The following JADE3 variants were observed in gnomAD, a reference collection of about 807,000 sequenced individuals.
The protein encoded by JADE3 is protein Jade-3.
In JADE3, 2 loss-of-function variants were observed where a neutral mutation model predicts 50.1. The observed-to-expected ratio is 0.04, with a 90% CI of 0.02 to 0.13. The LOEUF (loss-of-function observed/expected upper bound fraction) is 0.13, where lower values mean the gene tolerates loss of function less well. Among genes scored for constraint, JADE3 ranks in the 10% least tolerant of loss-of-function variants. JADE3 has a pLI of 1.00. For missense variants in JADE3, 475 were observed against 634.4 expected (o/e 0.75, Z 2.70); for synonymous variants, 218 against 232.9 (o/e 0.94, Z 0.58).
chrX:47,019,035 A>G (rs1928738052), intron 4 of JADE3, among the ~76,000 whole-genome samples: 1 of 111,926 alleles, frequency 8.9e-6, no homozygotes, highest in Admixed American at 9.4e-5. Context: ...AGTCAGGCAC[A>G]GGGCTCCAAG....
At chrX:47,033,950 C>T (rs1929076111) in intron 7 of JADE3, among the ~76,000 whole-genome samples, 162 bp downstream of exon 7, 1 of 111,420 alleles carries the variant, frequency 9.0e-6, no homozygotes, top group Non-Finnish European at 1.9e-5. Context: ...TTATTGGATG[C>T]ACACTTGCAT....
intron 4 of JADE3, among the ~76,000 whole-genome samples, chrX:47,021,374 T>A (rs1302262662): frequency 8.9e-6 from 1 of 111,872 alleles, no homozygotes; most frequent in Non-Finnish European, 1.9e-5. Context: ...TTGGGTTGTT[T>A]CCAGTTTTTA....
At chrX:47,011,791 T>G (rs782553139) in intron 4 of JADE3, among the ~76,000 whole-genome samples, 4 of 112,242 alleles carry the variant, frequency 3.6e-5, no homozygotes, top group Admixed American at 9.5e-5. Flanking sequence ...CTAATGATGT[T>G]GAACAGCTTT....
At chrX:46,994,363 C>G (rs912315326) in intron 3 of JADE3, among the ~76,000 whole-genome samples, 6 of 112,040 alleles carry the variant, frequency 5.4e-5, no homozygotes, top group Non-Finnish European at 1.1e-4. Flanking sequence ...AGTGAATCCC[C>G]TCTTTGACCA....
chrX:47,009,980 A>C (rs1928521170), intron 4 of JADE3, among the ~76,000 whole-genome samples: 1 of 110,394 alleles, frequency 9.1e-6, no homozygotes, highest in South Asian at 3.8e-4. Flanking sequence ...CATCTCAAAA[A>C]AAAAAAAGAT....
In JADE3 at chrX:47,039,632, C is replaced by T. The variant is rs182468883; in HGVS notation, c.972+567C>T. Among the ~76,000 whole-genome samples the T allele has an allele frequency of 5.6e-3, 623 of 111,251 alleles. 6 individuals carry two copies. Among genetic ancestry groups the T allele is most frequent in the South Asian group, 0.014 (37 of 2,597 alleles). ...GTCTGTGTATACCCACTGTTTAGCT[C>T]CCGTTTGTAAGTGAGAACATGTGGT... is the stretch of plus-strand genomic sequence containing the variant. On this transcript the variant is annotated intron_variant, in intron 8 of 10. Coordinates refer to ENST00000614628, the MANE Select transcript of JADE3 (RefSeq NM_014735.5).
intron 1 of JADE3, among the ~76,000 whole-genome samples, chrX:46,957,238 T>TAGATAGATAGAC: frequency 9.0e-6 from 1 of 111,190 alleles, no homozygotes; most frequent in South Asian, 3.8e-4. Flanking sequence ...GATAGATAGA[T>TAGATAGATAGAC]AGATAGATAG....
chrX:47,039,014 G>C lies in JADE3; in HGVS notation c.921G>C (p.Arg307=), dbSNP rs782493489. The change falls in exon 8 of 11, where the codon CGG becomes CGC. Residue 307 remains arginine, a synonymous_variant. Transcript: ENST00000614628. ...ITKISHIPPS[R]WALVCNLCKL... ...AGATCTCCCACATCCCACCCAGTCGGTGGGCCTTAGTCTGCAACTTGTGCA... is the reference window on the plus strand; with the variant it reads ...AGATCTCCCACATCCCACCCAGTCGCTGGGCCTTAGTCTGCAACTTGTGCA... 1 of 1,199,500 alleles carries C rather than the reference G, an allele frequency of 8.3e-7. No individual in the cohort carries two copies. The highest frequency in any genetic ancestry group is 1.7e-5 in the African/African-American group (1 of 57,415).
At chrX:46,931,820 A>G (rs1722997498) in intron 1 of JADE3, among the ~76,000 whole-genome samples, 1 of 112,101 alleles carries the variant, frequency 8.9e-6, no homozygotes, top group Non-Finnish European at 1.9e-5. Flanking sequence ...GTAACATGTT[A>G]CTATGTGAAA....
chrX:46,938,457 T>G (rs1191722700), intron 1 of JADE3, among the ~76,000 whole-genome samples: 1 of 111,823 alleles, frequency 8.9e-6, no homozygotes, highest in Non-Finnish European at 1.9e-5. Flanking sequence ...ATAGGTCCCT[T>G]TATCCTCCTT....
intron 4 of JADE3, among the ~76,000 whole-genome samples, chrX:47,022,804 G>T (rs1156634289): frequency 9.0e-6 from 1 of 110,808 alleles, no homozygotes; most frequent in Non-Finnish European, 1.9e-5. Context: ...TTGTTGGCAT[G>T]AAAAAAATTT....
rs782728907 is a variant in JADE3, at chrX:47,007,807, TTGTGTGTGTGTGTG to T, written c.284+9566_284+9579del. On this transcript the variant is annotated intron_variant, in intron 4 of 10. Coordinates refer to ENST00000614628, the MANE Select transcript of JADE3 (RefSeq NM_014735.5). Reference sequence around the variant, plus strand: ...TAGGACTTCAGCGTGTCCTTTTATTTTGTGTGTGTGTGTGTGTGTGTGTGTGTGTGTGTGTGTGT... The same window carrying T: ...TAGGACTTCAGCGTGTCCTTTTATTTTGTGTGTGTGTGTGTGTGTGTGTGT... 1.8e-4 allele frequency among the ~76,000 whole-genome samples: 13 copies of T among 70,805 alleles called. No individual in the cohort carries two copies. In the South Asian group the frequency reaches 3.1e-3, roughly 17 times the overall value. The allele number at this position is 70,805 out of a possible 115,157, so 61.5% of individuals were successfully genotyped here. A position where few individuals can be genotyped will look rare whatever the true frequency, so the allele number is the denominator to read the frequency against.
intron 7 of JADE3, among the ~76,000 whole-genome samples, chrX:47,035,843 T>C (rs1929123314): frequency 8.9e-6 from 1 of 111,867 alleles, no homozygotes; most frequent in African/African-American, 3.2e-5. Context: ...TTCCATCTTT[T>C]TAAAAAACAT....
rs148330481 is a variant in JADE3, at chrX:47,024,343, G to A, written c.285-381G>A. 9.8e-3 allele frequency among the ~76,000 whole-genome samples: 1,092 copies of A among 111,632 alleles called. 4 individuals carry two copies. Among genetic ancestry groups the A allele is most frequent in the Non-Finnish European group, 0.015 (772 of 53,065 alleles). ...TTACCCAAAAAAAAATTTTTCAAAC[G>A]TTAGCCAGGCATGGTGGCATGTGCC... On this transcript the variant is annotated intron_variant, in intron 4 of 10. Transcript: ENST00000614628.
intron 8 of JADE3, among the ~76,000 whole-genome samples, chrX:47,040,330 G>A (rs1233894152): frequency 8.9e-6 from 1 of 112,131 alleles, no homozygotes; most frequent in African/African-American, 3.2e-5. Context: ...TAAGTGGTGA[G>A]CAAGTGAGCA....
At chrX:46,960,164 A>G (rs1927223621) in intron 1 of JADE3, among the ~76,000 whole-genome samples, 1 of 109,437 alleles carries the variant, frequency 9.1e-6, no homozygotes, top group African/African-American at 3.3e-5. Context: ...GTACTGTCAC[A>G]GTTTTGTTTA....
intron 8 of JADE3, among the ~76,000 whole-genome samples, chrX:47,048,454 C>T (rs1478718801): frequency 8.9e-6 from 1 of 112,093 alleles, no homozygotes; most frequent in Non-Finnish European, 1.9e-5. Flanking sequence ...CCCAAATGTC[C>T]ATCAACTCGA....
At chrX:46,931,444 A>G (rs1926487773) in intron 1 of JADE3, among the ~76,000 whole-genome samples, 1 of 110,424 alleles carries the variant, frequency 9.1e-6, no homozygotes, top group Non-Finnish European at 1.9e-5. Context: ...TATTTGAGAC[A>G]GAGTCTTGCT....
intron 4 of JADE3, among the ~76,000 whole-genome samples, 183 bp from the exon 5 acceptor site, chrX:47,024,541 G>T (rs1213145957): frequency 9.0e-6 from 1 of 111,718 alleles, no homozygotes; most frequent in African/African-American, 3.3e-5. Flanking sequence ...ATCCATGAGG[G>T]TGAATAAAGA....
Sources: gnomAD v4.1 joint callset for allele counts (sites outside exome capture counted in the v4.1 genomes callset) on GRCh38, gnomAD v4.1.1 for gene constraint, MANE v1.5 for transcripts, NCBI Gene and HGNC (gene_info 2026-07-23, HGNC 2026-07-21) for gene names.